METAP1: variants seen among roughly 807,000 people sequenced by gnomAD.
The protein encoded by METAP1 is methionyl aminopeptidase 1.
A neutral mutation model predicts 53.8 loss-of-function variants in METAP1; 28 were observed. The ratio of observed to expected loss-of-function variants is 0.52; its 90% CI spans 0.39 to 0.71. METAP1 has a LOEUF of 0.71. Among genes scored for constraint, METAP1 ranks in the 30% least tolerant of loss-of-function variants. The pLI is 0.00. For synonymous variants in METAP1, 181 were observed against 165.7 expected (o/e 1.09, Z -0.71); for missense variants, 389 against 479.8 (o/e 0.81, Z 1.77).
intron 5 of METAP1, 52 bp from the exon 6 acceptor site, chr4:99,040,991 A>T (rs951338591): frequency 1.6e-6 from 2 of 1,275,694 alleles, no homozygotes; most frequent in African/African-American, 2.9e-5. Context: ...GAAAGGGTAT[A>T]GATTTCTGTT....
chr4:99,028,985 T>G, intron 2 of METAP1, 67 bp downstream of exon 2: 1 of 1,013,970 alleles, frequency 9.9e-7, no homozygotes, highest in Non-Finnish European at 1.5e-6. Flanking sequence ...AAAACAAGAA[T>G]TCTTCTAGTT....
At chr4:99,025,358 C>T (rs764698009) in intron 1 of METAP1, 206 of 984,494 alleles carry the variant, frequency 2.1e-4, no homozygotes, top group Non-Finnish European at 2.4e-4. Flanking sequence ...TTTGCAGTAG[C>T]GATTTCAGTA....
Position 99,030,160 on chromosome 4 carries a change from T to A in METAP1, c.166+1242T>A, listed in dbSNP as rs747280945. On this transcript the variant is annotated intron_variant, in intron 2 of 10. Coordinates refer to ENST00000296411, the MANE Select transcript of METAP1 (RefSeq NM_015143.3). ...TTTTATACCCAGGAAGTTAAAAGCA[T>A]TGGTAAGTAATAAAGGGTTGAGGTT... Among the ~76,000 whole-genome samples the A allele has an allele frequency of 5.3e-5, 8 of 152,266 alleles. 1 individual carries two copies. Among genetic ancestry groups the A allele is most frequent in the South Asian group, 4.1e-4 (2 of 4,828 alleles).
chr4:99,052,619 G>A (rs1044221100), intron 9 of METAP1, among the ~76,000 whole-genome samples: 5 of 152,128 alleles, frequency 3.3e-5, no homozygotes, highest in Non-Finnish European at 4.4e-5. Flanking sequence ...AGAACTCTGC[G>A]CCCAGGATCC....
At chr4:99,018,286 C>T (rs1346072454) in intron 1 of METAP1, among the ~76,000 whole-genome samples, 1 of 152,218 alleles carries the variant, frequency 6.6e-6, no homozygotes, top group East Asian at 1.9e-4. Flanking sequence ...TCTTTGGAGA[C>T]CCGCAGTCCC....
At chr4:99,003,245 G>T (rs1272842541) in intron 1 of METAP1, among the ~76,000 whole-genome samples, 1 of 152,182 alleles carries the variant, frequency 6.6e-6, no homozygotes, top group African/African-American at 2.4e-5. Context: ...TATAAAGTGG[G>T]AGGCAACAGA....
At chr4:99,002,863 C>G (rs1722987686) in intron 1 of METAP1, among the ~76,000 whole-genome samples, 1 of 152,056 alleles carries the variant, frequency 6.6e-6, no homozygotes, top group East Asian at 1.9e-4. Context: ...TATCTTGCTA[C>G]GAGATCAGCC....
At chr4:99,024,856 A>T (rs1724439956) in intron 1 of METAP1, among the ~76,000 whole-genome samples, 1 of 152,194 alleles carries the variant, frequency 6.6e-6, no homozygotes. Flanking sequence ...GCACCAGGGA[A>T]AAGTTTTGTG....
chr4:99,048,798 T>A lies in METAP1; in HGVS notation c.853T>A (p.Phe285Ile). The change falls in exon 9 of 11, where the codon TTT becomes ATT. Residue 285 changes from phenylalanine (F) to isoleucine (I), a missense_variant. Coordinates refer to ENST00000296411, the MANE Select transcript of METAP1 (RefSeq NM_015143.3). ...IIQKHAQANG[F>I]SVVRSYCGHG... is the part of the protein sequence containing the mutation. Reference sequence around the variant, plus strand: ...CCAGAAGCATGCCCAAGCAAATGGGTTTTCAGTTGTTCGAAGCTATTGTGG... The same window carrying A: ...CCAGAAGCATGCCCAAGCAAATGGGATTTCAGTTGTTCGAAGCTATTGTGG... 6.2e-7 allele frequency: 1 copy of A among 1,613,770 alleles called. No individual in the cohort carries two copies. The highest frequency in any genetic ancestry group is 1.1e-5 in the South Asian group (1 of 91,070).
intron 7 of METAP1, among the ~76,000 whole-genome samples, chr4:99,043,847 T>C (rs1431416463): frequency 6.6e-6 from 1 of 152,190 alleles, no homozygotes; most frequent in East Asian, 1.9e-4. Flanking sequence ...TTAAGCTACC[T>C]TGGGAAGTTA....
chr4:99,051,030 C>G (rs1347613852), intron 9 of METAP1, among the ~76,000 whole-genome samples: 1 of 152,166 alleles, frequency 6.6e-6, no homozygotes, highest in Admixed American at 6.5e-5. Flanking sequence ...GACTTCATTC[C>G]TTCCTTTTAT....
chr4:99,061,466 A>G lies in METAP1; in HGVS notation c.*149A>G, dbSNP rs1023982692. 3.1e-5 allele frequency: 20 copies of G among 652,296 alleles called. No individual in the cohort carries two copies. The highest frequency in any genetic ancestry group is 4.5e-5 in the Non-Finnish European group (19 of 419,976). The allele number at this position is 652,296 out of a possible 1,614,324, so 40.4% of individuals were successfully genotyped here. ...CTACAGCATTTGATGTGTGTCCTCA[A>G]GAACTTGTCTTGGGTCTGAAAAAGC... is the stretch of plus-strand genomic sequence containing the variant. On this transcript the variant is annotated 3_prime_UTR_variant, in exon 11 of 11. Coordinates refer to ENST00000296411, the MANE Select transcript of METAP1 (RefSeq NM_015143.3).
At chr4:98,996,421 A>G (rs975487839) in intron 1 of METAP1, among the ~76,000 whole-genome samples, 2 of 152,226 alleles carry the variant, frequency 1.3e-5, no homozygotes, top group African/African-American at 2.4e-5. Flanking sequence ...GAGGAACGCT[A>G]GCTAGCTCCA....
intron 1 of METAP1, chr4:99,022,429 GC>G: frequency 1.6e-6 from 1 of 642,126 alleles, no homozygotes; most frequent in Non-Finnish European, 2.6e-6. Context: ...TGCCAGGTGA[GC>G]CCATTCACAC....
chr4:99,000,431 G>T (rs1206835000), intron 1 of METAP1, among the ~76,000 whole-genome samples: 1 of 152,122 alleles, frequency 6.6e-6, no homozygotes, highest in Non-Finnish European at 1.5e-5. Context: ...TTGAGCAGAA[G>T]GTGACTAAGA....
chr4:99,014,082 G>A (rs957637330), intron 1 of METAP1, among the ~76,000 whole-genome samples: 2 of 152,214 alleles, frequency 1.3e-5, no homozygotes, highest in African/African-American at 4.8e-5. Context: ...TGTACAAGCC[G>A]TCGAATACAG....
intron 10 of METAP1, 111 bp from the exon 11 acceptor site, chr4:99,061,043 A>G (rs1408333956): frequency 5.3e-6 from 6 of 1,138,430 alleles, no homozygotes; most frequent in Non-Finnish European, 2.5e-6. Flanking sequence ...TAGCTAAAAC[A>G]ATTGGCATGT....
chr4:99,025,702 G>C (rs952712494), intron 1 of METAP1, among the ~76,000 whole-genome samples: 1 of 152,180 alleles, frequency 6.6e-6, no homozygotes, highest in Non-Finnish European at 1.5e-5. Context: ...CTGAAAGACT[G>C]GTTCAGGCCA....
intron 1 of METAP1, among the ~76,000 whole-genome samples, chr4:99,009,678 T>G (rs1044495545): frequency 6.6e-6 from 1 of 152,194 alleles, no homozygotes; most frequent in African/African-American, 2.4e-5. Flanking sequence ...TTTGGAGAAA[T>G]GTCTGCTTAA....
Sources: allele counts gnomAD v4.1 joint callset (sites outside exome capture counted in the v4.1 genomes callset), GRCh38; gene constraint gnomAD v4.1.1; transcripts MANE v1.5; gene names NCBI Gene and HGNC (gene_info 2026-07-23, HGNC 2026-07-21).